Variants in ITIH6 observed in about 807,000 individuals in gnomAD.
The protein encoded by ITIH6 is inter-alpha-trypsin inhibitor heavy chain H6.
In ITIH6, 60 loss-of-function variants were observed where a neutral mutation model predicts 58.2. The ratio of observed to expected loss-of-function variants is 1.03; its 90% CI spans 0.84 to 1.28. ITIH6 has a LOEUF of 1.28. Ranked by LOEUF, ITIH6 falls within the 50% of genes most tolerant of loss-of-function variation. ITIH6 has a pLI of 0.00. For missense variants in ITIH6, 1,290 were observed against 1,021.1 expected (o/e 1.26, Z -3.59); for synonymous variants, 493 against 417.4 (o/e 1.18, Z -2.21).
intron 6 of ITIH6, among the ~76,000 whole-genome samples, chrX:54,770,572 T>G (rs1449010614): frequency 1.8e-5 from 2 of 112,464 alleles, no homozygotes; most frequent in Non-Finnish European, 3.8e-5. Flanking sequence ...CCAATCCAAA[T>G]CCACTTTCAA....
intron 3 of ITIH6, among the ~76,000 whole-genome samples, 172 bp downstream of exon 3, chrX:54,791,754 T>C (rs1486624409): frequency 1.8e-5 from 2 of 112,330 alleles, no homozygotes; most frequent in Non-Finnish European, 3.8e-5. Flanking sequence ...ACACCCACCC[T>C]GTTACAGGCT....
chrX:54,768,397 A>G (rs1198253008), intron 6 of ITIH6, among the ~76,000 whole-genome samples: 2 of 88,178 alleles, frequency 2.3e-5, no homozygotes, highest in African/African-American at 4.6e-5. Context: ...TTGCATTTAA[A>G]GTTAATATTG....
At chrX:54,784,136 G>A (rs1929200256) in intron 5 of ITIH6, among the ~76,000 whole-genome samples, 1 of 111,880 alleles carries the variant, frequency 8.9e-6, no homozygotes, top group Admixed American at 9.5e-5. Context: ...ATATCCATAT[G>A]CAGAATAATG....
At chrX:54,776,308 C>T (rs1929052024) in intron 5 of ITIH6, among the ~76,000 whole-genome samples, 1 of 111,446 alleles carries the variant, frequency 9.0e-6, no homozygotes, top group South Asian at 3.8e-4. Context: ...TCCTGCAAGC[C>T]TCACCGCCAT....
In ITIH6 at chrX:54,758,680, A is replaced by G; in HGVS notation, c.1394T>C (p.Leu465Pro). 1 of 1,211,378 alleles carries G rather than the reference A, an allele frequency of 8.3e-7. No homozygotes were observed. Among genetic ancestry groups the G allele is most frequent in the Non-Finnish European group, 1.1e-6 (1 of 895,153 alleles). Residue 465 changes from leucine to proline, a missense_variant, in exon 8 of 13, where the codon CTC becomes CCC. Leu to Pro is a moderately conservative substitution (Grantham distance 98). Transcript: ENST00000218436. ...CAGAGGCATGGAGATCTCCTCATAG[A>G]GGCCCTTCAGCTGTAGGGCCGCATC... Reference protein sequence around the residue: ...DTDAALQLKGLYEEISMPLLA... With the variant: ...DTDAALQLKGPYEEISMPLLA...
At chrX:54,792,181 G>A (rs1929363037) in intron 2 of ITIH6, 145 bp from the exon 3 acceptor site, 1 of 420,987 alleles carries the variant, frequency 2.4e-6, no homozygotes, top group East Asian at 3.8e-5. Flanking sequence ...AAGCCCCAGT[G>A]TGAGCGGCAA....
intron 11 of ITIH6, among the ~76,000 whole-genome samples, chrX:54,753,325 G>C: frequency 8.9e-6 from 1 of 112,387 alleles, no homozygotes; most frequent in Non-Finnish European, 1.9e-5. Context: ...TGCTTATCTT[G>C]TACTTGATGG....
At chrX:54,788,859 A>G (rs900728263) in intron 4 of ITIH6, among the ~76,000 whole-genome samples, 7 of 111,912 alleles carry the variant, frequency 6.3e-5, no homozygotes, top group African/African-American at 2.0e-4. Flanking sequence ...TCCTCCATTG[A>G]GCCTAGCCGG....
intron 6 of ITIH6, among the ~76,000 whole-genome samples, chrX:54,770,179 G>A (rs1928916367): frequency 8.9e-6 from 1 of 112,888 alleles, no homozygotes; most frequent in South Asian, 3.6e-4. Flanking sequence ...GACTCGGAAA[G>A]GGAACTCCCT....
chrX:54,769,112 G>A (rs1280175775), intron 6 of ITIH6, among the ~76,000 whole-genome samples: 46 of 94,422 alleles, frequency 4.9e-4, no homozygotes, highest in South Asian at 1.1e-3. Flanking sequence ...TTCCCTTCTC[G>A]CTTCATTTCA....
intron 6 of ITIH6, among the ~76,000 whole-genome samples, chrX:54,767,455 C>T (rs1311207323): frequency 8.0e-5 from 8 of 100,229 alleles, no homozygotes; most frequent in Non-Finnish European, 1.6e-4. Flanking sequence ...TTTGCTCTTG[C>T]TTTTCTAGTT....
At chrX:54,770,194 C>G (rs949980415) in intron 6 of ITIH6, among the ~76,000 whole-genome samples, 1 of 112,933 alleles carries the variant, frequency 8.9e-6, no homozygotes, top group African/African-American at 3.2e-5. Context: ...CTCCCTGTCC[C>G]CTTGCGCTTC....
chrX:54,787,230 A>T (rs1243841928), intron 5 of ITIH6: 1 of 112,533 alleles, frequency 8.9e-6, no homozygotes, highest in African/African-American at 3.2e-5. Flanking sequence ...TTCCTCCTGC[A>T]CAACAGACTG....
chrX:54,774,081 C>G lies in ITIH6; in HGVS notation c.903G>C (p.Gln301His). 4 of 1,125,817 alleles carry G rather than the reference C, an allele frequency of 3.6e-6. No individual in the cohort carries two copies. Among genetic ancestry groups the G allele is most frequent in the Non-Finnish European group, 4.8e-6 (4 of 829,163 alleles). The allele number at this position is 1,125,817 out of a possible 1,213,427, so 92.8% of individuals were successfully genotyped here. A position where few individuals can be genotyped will look rare whatever the true frequency, so the allele number is the denominator to read the frequency against. ...GAAAGGTTTCCAGGATCCTTGTTAC[C>G]TGTTCCATCTTGGTACCAAACATGG... ...SSSMFGTKME[Q>H]TKTAMNVILS... The change falls in exon 6 of 13, where the codon CAG becomes CAC. Residue 301 changes from glutamine (Q) to histidine (H), a missense_variant and splice_region_variant. Transcript: ENST00000218436.
At chrX:54,788,457 T>C in intron 5 of ITIH6, 23 bp downstream of exon 5, 4 of 1,197,518 alleles carry the variant, frequency 3.3e-6, no homozygotes, top group African/African-American at 1.7e-5. Context: ...CCATCCTCTC[T>C]CCTCTTCCCC....
chrX:54,755,056 T>A lies in ITIH6; in HGVS notation c.3163A>T (p.Ser1055Cys). 8.3e-7 allele frequency: 1 copy of A among 1,211,362 alleles called. No homozygotes were observed. Among genetic ancestry groups the A allele is most frequent in the Non-Finnish European group, 1.1e-6 (1 of 894,975 alleles). ...ACAGAACTTCCTTGAGATTCCATGC[T>A]GCCTCCAGCTCCTCCCAGGATCTCC... ...SEEILGGAGG[S>C]MESQGSSVGL... The change falls in exon 9 of 13, where the codon AGC (serine) becomes TGC (cysteine). Residue 1055 changes from serine (S) to cysteine (C), a missense_variant. Ser to Cys is a moderately radical substitution (Grantham distance 112). Coordinates refer to ENST00000218436, the MANE Select transcript of ITIH6 (RefSeq NM_198510.3).
At chrX:54,786,589 G>A (rs1453456937) in intron 5 of ITIH6, among the ~76,000 whole-genome samples, 1 of 110,769 alleles carries the variant, frequency 9.0e-6, no homozygotes, top group African/African-American at 3.3e-5. Flanking sequence ...TTTCTCGTGC[G>A]GCCCCCACTT....
chrX:54,791,965 G>A lies in ITIH6; in HGVS notation c.329C>T (p.Ala110Val). The change falls in exon 3 of 13, where the codon GCC becomes GTC. Residue 110 changes from alanine to valine, a missense_variant. Physicochemically the swap from Ala to Val is moderately conservative, Grantham distance 64. Transcript: ENST00000218436. The stretch of plus-strand genomic sequence containing the variant: ...AGCAGCTGTCTTTCCCTGCTGATGG[G>A]CTTCTTCATAGATTTTCTTTGCCTG... Reference protein sequence around the residue: ...KHQAKKIYEEAHQQGKTAAHV... With the variant: ...KHQAKKIYEEVHQQGKTAAHV... 8.3e-7 allele frequency: 1 copy of A among 1,203,540 alleles called. No individual in the cohort carries two copies.
chrX:54,759,466 T>A (rs1436564340), intron 7 of ITIH6, among the ~76,000 whole-genome samples: 1 of 112,104 alleles, frequency 8.9e-6, no homozygotes, highest in Admixed American at 9.5e-5. Flanking sequence ...ATCTAGATTA[T>A]TGATTTAAAG....
Sources: allele counts gnomAD v4.1 joint callset (sites outside exome capture counted in the v4.1 genomes callset), GRCh38; gene constraint gnomAD v4.1.1; transcripts MANE v1.5; gene names NCBI Gene and HGNC (gene_info 2026-07-23, HGNC 2026-07-21).